Variants in PDZRN4 observed in about 807,000 individuals in gnomAD.
The protein encoded by PDZRN4 is PDZ domain-containing RING finger protein 4.
A neutral mutation model predicts 99.0 loss-of-function variants in PDZRN4; 70 were observed. The ratio of observed to expected loss-of-function variants is 0.71; its 90% CI spans 0.58 to 0.86. The LOEUF (loss-of-function observed/expected upper bound fraction) is 0.86. Ranked by LOEUF, PDZRN4 falls within the 40% of genes least tolerant of loss-of-function variation. PDZRN4 has a pLI of 0.00. For synonymous variants in PDZRN4, 551 were observed against 501.6 expected (o/e 1.10, Z -1.32); for missense variants, 1,474 against 1,331.2 (o/e 1.11, Z -1.67).
At chr12:41,456,230 C>T (rs1293352859) in intron 3 of PDZRN4, among the ~76,000 whole-genome samples, 2 of 152,234 alleles carry the variant, frequency 1.3e-5, no homozygotes, top group Non-Finnish European at 2.9e-5. Context: ...TCAGAGAACA[C>T]TGCATCCTGA....
At chr12:41,555,789 C>A (rs1565614264) in intron 7 of PDZRN4, 29 bp downstream of exon 7, 9 of 1,513,402 alleles carry the variant, frequency 5.9e-6, no homozygotes, top group Non-Finnish European at 7.4e-6. Flanking sequence ...TCCTTTAGTT[C>A]CCCACGATCT....
At chr12:41,532,866 CTAT>C (rs1229515592) in intron 5 of PDZRN4, among the ~76,000 whole-genome samples, 1 of 152,054 alleles carries the variant, frequency 6.6e-6, no homozygotes, top group Non-Finnish European at 1.5e-5. Context: ...AATGTTTTTG[CTAT>C]TATTATGTTG....
At chr12:41,431,047 A>G (rs1952582584) in intron 3 of PDZRN4, among the ~76,000 whole-genome samples, 1 of 152,210 alleles carries the variant, frequency 6.6e-6, no homozygotes, top group Non-Finnish European at 1.5e-5. Flanking sequence ...TAAACCATTC[A>G]TGAAGTTGGT....
chr12:41,464,069 A>G (rs1952899791), intron 3 of PDZRN4, among the ~76,000 whole-genome samples: 1 of 152,158 alleles, frequency 6.6e-6, no homozygotes, highest in African/African-American at 2.4e-5. Flanking sequence ...CAAGCACGCC[A>G]GGAGAATAGA....
rs1172552201 is a variant in PDZRN4, at chr12:41,213,608, C to A, written c.843+19420C>A. Among the ~76,000 whole-genome samples, 3 of 152,018 alleles carry A rather than the reference C, an allele frequency of 2.0e-5. No individual in the cohort carries two copies. The East Asian group carries it at 5.8e-4, about 30-fold the overall frequency. On this transcript the variant is annotated intron_variant, in intron 3 of 9. Coordinates refer to ENST00000402685, the MANE Select transcript of PDZRN4 (RefSeq NM_001164595.2). ...AGACAGAAACTAAAAACTATGGCTT[C>A]AGGCTGCTGAAAGCCTAAAATACAA...
chr12:41,573,390 A>C lies in PDZRN4; in HGVS notation c.2611A>C (p.Ser871Arg). ...AGTCGAGTATGCTCAGAGTCAGCTC[A>C]GCTTGGTGAGCATGTGCAAGGAGTC... ...SAVEYAQSQL[S>R]LVSMCKESQK... is the part of the protein sequence containing the mutation. Residue 871 changes from serine (S) to arginine (R), a missense_variant, in exon 10 of 10, where the codon AGC becomes CGC. Physicochemically the swap from Ser to Arg is moderately radical, Grantham distance 110. Transcript: ENST00000402685. 1 of 1,613,564 alleles carries C rather than the reference A, an allele frequency of 6.2e-7. No individual in the cohort carries two copies.
At chr12:41,353,378 G>A (rs1951904932) in intron 3 of PDZRN4, among the ~76,000 whole-genome samples, 1 of 151,944 alleles carries the variant, frequency 6.6e-6, no homozygotes, top group South Asian at 2.1e-4. Flanking sequence ...TCCTATATGA[G>A]CATTGGTAGG....
chr12:41,390,505 A>T (rs1952202694), intron 3 of PDZRN4, among the ~76,000 whole-genome samples: 1 of 148,752 alleles, frequency 6.7e-6, no homozygotes. Context: ...TTTGCCCCAT[A>T]CTCTCTAAGT....
At chr12:41,307,646 T>A (rs1951580741) in intron 3 of PDZRN4, among the ~76,000 whole-genome samples, 2 of 151,990 alleles carry the variant, frequency 1.3e-5, no homozygotes, top group South Asian at 4.1e-4. Flanking sequence ...TTATTTGTAT[T>A]ATACTACAGC....
At chr12:41,339,330 A>G (rs1273638091) in intron 3 of PDZRN4, among the ~76,000 whole-genome samples, 1 of 152,094 alleles carries the variant, frequency 6.6e-6, no homozygotes, top group East Asian at 1.9e-4. Flanking sequence ...TGGGGAAAGA[A>G]TACTCTTTTC....
intron 3 of PDZRN4, among the ~76,000 whole-genome samples, chr12:41,323,670 A>G (rs1164417523): frequency 6.6e-6 from 1 of 151,996 alleles, no homozygotes; most frequent in Non-Finnish European, 1.5e-5. Flanking sequence ...TTATCCAAAA[A>G]GTATGTCACT....
At chr12:41,361,994 T>C (rs1951966623) in intron 3 of PDZRN4, among the ~76,000 whole-genome samples, 1 of 152,026 alleles carries the variant, frequency 6.6e-6, no homozygotes, top group South Asian at 2.1e-4. Flanking sequence ...ACCAGCTGTG[T>C]GCTTGGCTGC....
intron 3 of PDZRN4, among the ~76,000 whole-genome samples, chr12:41,196,237 C>T (rs1285543105): frequency 2.0e-5 from 3 of 151,918 alleles, no homozygotes; most frequent in Non-Finnish European, 4.4e-5. Context: ...AGGAGGTCAA[C>T]CACAGAAATT....
At chr12:41,355,354 C>A (rs562995033) in intron 3 of PDZRN4, among the ~76,000 whole-genome samples, 1 of 152,062 alleles carries the variant, frequency 6.6e-6, no homozygotes, top group African/African-American at 2.4e-5. Flanking sequence ...GGGCCCTACC[C>A]TTTTCTAGCA....
chr12:41,264,679 A>C (rs992406025), intron 3 of PDZRN4, among the ~76,000 whole-genome samples: 3 of 152,188 alleles, frequency 2.0e-5, no homozygotes, highest in African/African-American at 7.2e-5. Flanking sequence ...AATTATTCTA[A>C]ATTTGAATTT....
intron 3 of PDZRN4, among the ~76,000 whole-genome samples, chr12:41,317,316 C>T (rs1365860924): frequency 6.6e-6 from 1 of 151,796 alleles, no homozygotes; most frequent in Non-Finnish European, 1.5e-5. Flanking sequence ...TGATGTTGCT[C>T]AAGTTGGAAG....
At chr12:41,387,084 C>CA (rs1212574455) in intron 3 of PDZRN4, among the ~76,000 whole-genome samples, 1 of 151,972 alleles carries the variant, frequency 6.6e-6, no homozygotes, top group African/African-American at 2.4e-5. Flanking sequence ...ATGAAGACAC[C>CA]AAAAACAATG....
At chr12:41,254,933 A>C (rs1247148059) in intron 3 of PDZRN4, among the ~76,000 whole-genome samples, 2 of 152,194 alleles carry the variant, frequency 1.3e-5, no homozygotes, top group Non-Finnish European at 2.9e-5. Flanking sequence ...AAAAAATAAA[A>C]AATAAAAAAA....
At chr12:41,519,240 T>C (rs1247494873) in intron 5 of PDZRN4, among the ~76,000 whole-genome samples, 1 of 152,066 alleles carries the variant, frequency 6.6e-6, no homozygotes, top group African/African-American at 2.4e-5. Flanking sequence ...TGCTGTCCTG[T>C]TTAACAGCCT....
Sources: gnomAD v4.1 joint callset for allele counts (sites outside exome capture counted in the v4.1 genomes callset) on GRCh38, gnomAD v4.1.1 for gene constraint, MANE v1.5 for transcripts, NCBI Gene and HGNC (gene_info 2026-07-23, HGNC 2026-07-21) for gene names.